Variants in PCDHA5 observed in about 807,000 individuals in gnomAD.
PCDHA5 encodes the protein protocadherin alpha 5.
In PCDHA5, 43 loss-of-function variants were observed where a neutral mutation model predicts 61.6. The observed-to-expected ratio is 0.70, with a 90% confidence interval of 0.55 to 0.90. The LOEUF is 0.90. PCDHA5 is among the 40% of genes least tolerant of loss of function. The pLI is 0.00. For synonymous variants in PCDHA5, 627 were observed against 543.9 expected, an observed-to-expected ratio of 1.15 and a Z score of -2.13; for missense variants, 1,298 against 1,222.7, an observed-to-expected ratio of 1.06 and a Z score of -0.92.
At chr5:140,918,515 T>C (rs1000500676) in intron 1 of PCDHA5, among the ~76,000 whole-genome samples, 1 of 152,224 alleles carries the variant, frequency 6.6e-6, no homozygotes, top group African/African-American at 2.4e-5. Flanking sequence ...TTTAAACTTA[T>C]TGAGGATTGT....
intron 3 of PCDHA5, among the ~76,000 whole-genome samples, chr5:141,009,291 T>G (rs115348370): frequency 2.9e-3 from 436 of 152,228 alleles, no homozygotes; most frequent in African/African-American, 9.9e-3. Flanking sequence ...CCCATTTCTA[T>G]AAAATTTTTT....
intron 1 of PCDHA5, chr5:140,927,600 C>T (rs1179735453): frequency 1.9e-6 from 3 of 1,614,042 alleles, no homozygotes; most frequent in African/African-American, 1.3e-5. Flanking sequence ...TTGAGCGCTC[C>T]GTATACCGCA....
intron 1 of PCDHA5, chr5:140,929,377 CTGT>C (rs782747382): frequency 6.6e-7 from 1 of 1,514,350 alleles, no homozygotes; most frequent in Non-Finnish European, 8.8e-7. Flanking sequence ...TGGCTGCTAG[CTGT>C]GTTTTGAAAT....
intron 1 of PCDHA5, among the ~76,000 whole-genome samples, chr5:140,933,323 T>C (rs935740276): frequency 6.6e-6 from 1 of 152,016 alleles, no homozygotes; most frequent in Admixed American, 6.6e-5. Flanking sequence ...CGTATTCTCC[T>C]GTGCTGTAGA....
chr5:140,892,661 T>A (rs2063613573), intron 1 of PCDHA5, among the ~76,000 whole-genome samples: 1 of 152,232 alleles, frequency 6.6e-6, no homozygotes, highest in Non-Finnish European at 1.5e-5. Flanking sequence ...CAGAGTGACA[T>A]TTTGATACAT....
intron 1 of PCDHA5, among the ~76,000 whole-genome samples, chr5:140,844,768 A>T (rs1393126027): frequency 6.7e-6 from 1 of 149,242 alleles, no homozygotes; most frequent in African/African-American, 2.5e-5. Context: ...AAAATCCAAG[A>T]TACTTTATTT....
chr5:140,828,801 A>G lies in PCDHA5; in HGVS notation c.2352+4674A>G, dbSNP rs147769613. On this transcript the variant is annotated intron_variant, in intron 1 of 3. Transcript: ENST00000529859. ...CTGGTCACAGTGCTGGATGTGAATG[A>G]TAATGCTCCCACTTTCGAACAGTCT... 2.8e-4 allele frequency: 458 copies of G among 1,614,124 alleles called. No homozygotes were observed. Among genetic ancestry groups the G allele is most frequent in the Non-Finnish European group, 3.7e-4 (435 of 1,180,046 alleles).
chr5:140,832,241 T>C (rs2150200377), intron 1 of PCDHA5, among the ~76,000 whole-genome samples: 28 of 152,212 alleles, frequency 1.8e-4, no homozygotes, highest in Non-Finnish European at 3.4e-4. Context: ...ACTTTTTGTG[T>C]TGTCCATGTT....
chr5:140,827,843 C>T, intron 1 of PCDHA5: 1 of 460,554 alleles, frequency 2.2e-6, no homozygotes, highest in Non-Finnish European at 3.7e-6. Flanking sequence ...AAAGAAGATA[C>T]TGTTTTAAAA....
intron 3 of PCDHA5, among the ~76,000 whole-genome samples, chr5:140,998,569 G>GT (rs71574497): frequency 0.37 from 55,088 of 149,258 alleles, 10,597 homozygotes; most frequent in African/African-American, 0.48. Flanking sequence ...TTGTAAATAA[G>GT]TTTTTTTTTT....
intron 1 of PCDHA5, chr5:140,828,616 C>T (rs782081687): frequency 6.2e-7 from 1 of 1,614,024 alleles, no homozygotes; most frequent in Non-Finnish European, 8.5e-7. Context: ...TCAGTTCTAG[C>T]GAATACTTCG....
intron 1 of PCDHA5, chr5:140,836,533 T>A (rs1554136046): frequency 6.2e-7 from 1 of 1,613,734 alleles, no homozygotes; most frequent in Non-Finnish European, 8.5e-7. Flanking sequence ...ACCCTGCTGC[T>A]GTACACGGCG....
At chr5:140,880,231 A>G (rs2058275588) in intron 1 of PCDHA5, among the ~76,000 whole-genome samples, 1 of 152,266 alleles carries the variant, frequency 6.6e-6, no homozygotes, top group South Asian at 2.1e-4. Context: ...CATTTAAATT[A>G]GTGTATGTGC....
At chr5:140,952,879 G>C (rs1325308016) in intron 1 of PCDHA5, among the ~76,000 whole-genome samples, 1 of 152,094 alleles carries the variant, frequency 6.6e-6, no homozygotes, top group Non-Finnish European at 1.5e-5. Context: ...TTACAATCAT[G>C]GTGGAAGGCA....
intron 1 of PCDHA5, among the ~76,000 whole-genome samples, chr5:140,972,686 AT>A (rs2096549556): frequency 8.3e-6 from 1 of 120,944 alleles, no homozygotes; most frequent in African/African-American, 3.2e-5. Context: ...TTTTTTTGAG[AT>A]GGAGTCTCAC....
intron 1 of PCDHA5, chr5:140,867,855 G>T (rs1340065029): frequency 6.6e-6 from 1 of 151,976 alleles, no homozygotes; most frequent in African/African-American, 2.4e-5. Context: ...TAGTTGAATT[G>T]TTTGATTAAT....
At chr5:140,937,981 T>TA (rs1554211927) in intron 1 of PCDHA5, among the ~76,000 whole-genome samples, 2 of 152,254 alleles carry the variant, frequency 1.3e-5, no homozygotes, top group Non-Finnish European at 2.9e-5. Flanking sequence ...ATACTGATTT[T>TA]ATGTTAACTT....
At chr5:140,876,759 TG>T (rs2056563971) in intron 1 of PCDHA5, 10 of 1,614,028 alleles carry the variant, frequency 6.2e-6, no homozygotes, top group African/African-American at 2.7e-5. Context: ...CTGCGCGGGA[TG>T]GGGGCTCGCC....
intron 1 of PCDHA5, among the ~76,000 whole-genome samples, chr5:140,838,525 T>C (rs1165394742): frequency 6.6e-6 from 1 of 151,996 alleles, no homozygotes; most frequent in Non-Finnish European, 1.5e-5. Flanking sequence ...CATCTTATTT[T>C]CTTTTATGGA....
Sources: allele counts gnomAD v4.1 joint callset (sites outside exome capture counted in the v4.1 genomes callset), GRCh38; gene constraint gnomAD v4.1.1; transcripts MANE v1.5; gene names NCBI Gene and HGNC (gene_info 2026-07-23, HGNC 2026-07-21).